Variants in PXDNL observed in about 807,000 individuals in gnomAD.
PXDNL encodes probable oxidoreductase PXDNL.
Under a neutral mutation model 150.8 loss-of-function variants are expected in PXDNL, and 145 were observed. The ratio of observed to expected loss-of-function variants is 0.96; its 90% CI spans 0.84 to 1.10. The LOEUF is 1.10. PXDNL is among the 50% of genes least tolerant of loss of function. The pLI is 0.00. For missense variants in PXDNL, 2,087 were observed against 1,873.9 expected, an observed-to-expected ratio of 1.11 and a Z score of -2.10; for synonymous variants, 757 against 725.7, an observed-to-expected ratio of 1.04 and a Z score of -0.69.
rs749305894 is a variant in PXDNL at position 51,413,149 on chromosome 8, C to G, written c.1904+1G>C. ...TCAATCTGTGTAAAATAAATTCTTACTGTGAAAACAAATGTCTTCGTGTGG... is the reference window on the plus strand; with the variant it reads ...TCAATCTGTGTAAAATAAATTCTTAGTGTGAAAACAAATGTCTTCGTGTGG... On this transcript the variant is annotated splice_donor_variant, in intron 15 of 22. Coordinates refer to ENST00000356297, the MANE Select transcript of PXDNL (RefSeq NM_144651.5). LOFTEE classifies it high-confidence loss of function. 2.0e-5 allele frequency: 31 copies of G among 1,533,928 alleles called. No individual in the cohort carries two copies. The highest frequency in any genetic ancestry group is 2.3e-5 in the Non-Finnish European group (26 of 1,107,924).
intron 4 of PXDNL, among the ~76,000 whole-genome samples, chr8:51,542,610 A>G (rs1280228647): frequency 1.3e-5 from 2 of 152,098 alleles, no homozygotes; most frequent in African/African-American, 4.8e-5. Flanking sequence ...GCAGTTTGAG[A>G]CCAGCCGGAC....
chr8:51,582,044 TAAG>T (rs1327351177), intron 3 of PXDNL, among the ~76,000 whole-genome samples: 1 of 152,166 alleles, frequency 6.6e-6, no homozygotes, highest in African/African-American at 2.4e-5. Context: ...TGTGTATATA[TAAG>T]AAGTATACTT....
rs202224706 is a variant in PXDNL at position 51,613,202 on chromosome 8, CA to C, written c.237-20505del. Among the ~76,000 whole-genome samples, 7 of 150,516 alleles carry C rather than the reference CA, an allele frequency of 4.7e-5. No homozygotes were observed. The South Asian group carries it at 1.1e-3, about 23-fold the overall frequency. On this transcript the variant is annotated intron_variant, in intron 2 of 22. Coordinates refer to ENST00000356297, the MANE Select transcript of PXDNL (RefSeq NM_144651.5). ...ACCAGAGGATGCTGTCACTGTTCAC[CA>C]AAAAAAATATATATATATGTATATA...
At chr8:51,698,147 C>T (rs1356352026) in intron 1 of PXDNL, among the ~76,000 whole-genome samples, 1 of 152,132 alleles carries the variant, frequency 6.6e-6, no homozygotes, top group African/African-American at 2.4e-5. Context: ...GTAGCTGTAA[C>T]GATTCCTCAA....
chr8:51,689,008 C>A (rs939057553), intron 1 of PXDNL, among the ~76,000 whole-genome samples: 2 of 152,158 alleles, frequency 1.3e-5, no homozygotes, highest in African/African-American at 4.8e-5. Flanking sequence ...GTCTCCCTTG[C>A]CACGCCATTA....
intron 1 of PXDNL, chr8:51,722,029 G>A (rs941977571): frequency 4.0e-5 from 8 of 197,656 alleles, no homozygotes; most frequent in Admixed American, 9.5e-5. Context: ...TTTAAGGAGA[G>A]CTGTAGTTTT....
chr8:51,541,268 A>AAAAAAG (rs1812211991), intron 4 of PXDNL, among the ~76,000 whole-genome samples: 1 of 151,768 alleles, frequency 6.6e-6, no homozygotes, highest in South Asian at 2.1e-4. Flanking sequence ...AAAAAAAAAA[A>AAAAAAG]AAGAATATTG....
At chr8:51,603,578 T>G (rs961897333) in intron 2 of PXDNL, among the ~76,000 whole-genome samples, 1 of 152,110 alleles carries the variant, frequency 6.6e-6, no homozygotes, top group Non-Finnish European at 1.5e-5. Context: ...ACTTCCTTAT[T>G]ATATTTCCTT....
At chr8:51,694,777 C>G (rs952770652) in intron 1 of PXDNL, among the ~76,000 whole-genome samples, 6 of 152,168 alleles carry the variant, frequency 3.9e-5, no homozygotes, top group Admixed American at 1.3e-4. Flanking sequence ...GTTAAACAAA[C>G]AGACAATGAG....
At chr8:51,683,164 C>CATATATATATAT (rs71237228) in intron 1 of PXDNL, among the ~76,000 whole-genome samples, 2,350 of 44,320 alleles carry the variant, frequency 0.053, 344 homozygotes, top group East Asian at 0.11. Context: ...AATTGTCTTT[C>CATATATATATAT]ATATATATAT....
At chr8:51,619,169 A>G (rs1814187495) in intron 2 of PXDNL, among the ~76,000 whole-genome samples, 1 of 152,176 alleles carries the variant, frequency 6.6e-6, no homozygotes, top group African/African-American at 2.4e-5. Flanking sequence ...CAAGGTGGAC[A>G]TAGAAACTAG....
At chr8:51,670,401 A>G (rs1467491826) in intron 1 of PXDNL, among the ~76,000 whole-genome samples, 1 of 152,174 alleles carries the variant, frequency 6.6e-6, no homozygotes, top group African/African-American at 2.4e-5. Flanking sequence ...AAACCTACAC[A>G]TGGTAGAGCC....
intron 14 of PXDNL, among the ~76,000 whole-genome samples, chr8:51,414,812 T>C (rs901533666): frequency 1.3e-5 from 2 of 152,110 alleles, no homozygotes; most frequent in African/African-American, 4.8e-5. Context: ...GAAACAAATA[T>C]ATAGGCAAGT....
At chr8:51,546,883 C>G (rs1812371506) in intron 4 of PXDNL, among the ~76,000 whole-genome samples, 1 of 152,130 alleles carries the variant, frequency 6.6e-6, no homozygotes, top group Non-Finnish European at 1.5e-5. Context: ...TGGCTTCCCC[C>G]AGTTCTCTGA....
Position 51,408,613 on chromosome 8 carries a change from A to G in PXDNL, c.3011T>C (p.Ile1004Thr). The change falls in exon 17 of 23, where the codon ATC becomes ACC. Residue 1004 changes from isoleucine to threonine, a missense_variant. Physicochemically the swap from Ile to Thr is moderately conservative, Grantham distance 89. Transcript: ENST00000356297. ...GATGTGCTGCAGCTCCGCGCCCACGATCTTCCTGGCTTCCTGGTAAACCGT... is the reference window on the plus strand; with the variant it reads ...GATGTGCTGCAGCTCCGCGCCCACGGTCTTCCTGGCTTCCTGGTAAACCGT... ...GNTVYQEARK[I>T]VGAELQHITY... is the part of the protein sequence containing the mutation. 6 of 1,611,010 alleles carry G rather than the reference A, an allele frequency of 3.7e-6. No homozygotes were observed. The highest frequency in any genetic ancestry group is 5.1e-6 in the Non-Finnish European group (6 of 1,178,708).
intron 3 of PXDNL, among the ~76,000 whole-genome samples, chr8:51,568,132 AT>A (rs1563467530): frequency 1.3e-5 from 2 of 151,616 alleles, no homozygotes; most frequent in Non-Finnish European, 2.9e-5. Flanking sequence ...TTCTGAACAA[AT>A]TTTTATCCGT....
At chr8:51,753,948 C>A (rs765822225) in intron 1 of PXDNL, among the ~76,000 whole-genome samples, 18 of 152,198 alleles carry the variant, frequency 1.2e-4, no homozygotes, top group Non-Finnish European at 1.2e-4. Context: ...TAATATGCCT[C>A]TGGCCCTGAA....
At chr8:51,395,895 C>T (rs1007489653) in intron 17 of PXDNL, among the ~76,000 whole-genome samples, 6 of 152,238 alleles carry the variant, frequency 3.9e-5, no homozygotes, top group African/African-American at 1.4e-4. Context: ...CCAACTCTGC[C>T]AGCAGAACTC....
At chr8:51,536,534 CAGAG>C (rs1331618588) in intron 4 of PXDNL, among the ~76,000 whole-genome samples, 1 of 151,534 alleles carries the variant, frequency 6.6e-6, no homozygotes, top group East Asian at 1.9e-4. Context: ...GGGGAGGGCC[CAGAG>C]AGTGAGCATG....
Sources: allele counts gnomAD v4.1 joint callset (sites outside exome capture counted in the v4.1 genomes callset), GRCh38; gene constraint gnomAD v4.1.1; transcripts MANE v1.5; gene names NCBI Gene and HGNC (gene_info 2026-07-23, HGNC 2026-07-21).